The following ARHGAP42 variants were observed in gnomAD, a reference collection of about 807,000 sequenced individuals.
ARHGAP42 encodes rho GTPase-activating protein 42.
A neutral mutation model predicts 125.0 loss-of-function variants in ARHGAP42; 63 were observed. That is an observed-to-expected ratio of 0.50 (90% confidence interval 0.41 to 0.62). ARHGAP42 has a LOEUF of 0.62. Ranked by LOEUF, ARHGAP42 falls within the 20% of genes least tolerant of loss-of-function variation. The pLI, the probability that ARHGAP42 is intolerant of heterozygous loss-of-function variation, is 0.00. For synonymous variants in ARHGAP42, 339 were observed against 351.0 expected, an observed-to-expected ratio of 0.97 and a Z score of 0.38; for missense variants, 766 against 1,024.2, an observed-to-expected ratio of 0.75 and a Z score of 3.44.
chr11:100,973,983 A>G (rs1476216030), intron 18 of ARHGAP42, among the ~76,000 whole-genome samples: 1 of 152,192 alleles, frequency 6.6e-6, no homozygotes, highest in African/African-American at 2.4e-5. Context: ...GCTCTCTCAC[A>G]ATGCAAGAGC....
At chr11:100,837,775 A>G (rs985558874) in intron 3 of ARHGAP42, among the ~76,000 whole-genome samples, 10 of 140,904 alleles carry the variant, frequency 7.1e-5, no homozygotes, top group African/African-American at 2.6e-4. Flanking sequence ...TGGAAATTTT[A>G]TGATAATAGG....
At chr11:100,943,254 G>T (rs1447216030) in intron 9 of ARHGAP42, among the ~76,000 whole-genome samples, 1 of 151,808 alleles carries the variant, frequency 6.6e-6, no homozygotes, top group Non-Finnish European at 1.5e-5. Context: ...TGTATATACT[G>T]GAACTATATT....
At chr11:100,986,195 A>C (rs1408348561) in intron 22 of ARHGAP42, 8 of 428,026 alleles carry the variant, frequency 1.9e-5, no homozygotes, top group Non-Finnish European at 3.7e-5. Flanking sequence ...AACACCATGC[A>C]GACTTGAAGC....
At chr11:100,956,058 G>T (rs2135292192) in intron 12 of ARHGAP42, among the ~76,000 whole-genome samples, 1 of 152,120 alleles carries the variant, frequency 6.6e-6, no homozygotes, top group South Asian at 2.1e-4. Flanking sequence ...AAATTGCTGG[G>T]TGCTCAAGTG....
At chr11:100,858,381 C>A (rs1865373606) in intron 3 of ARHGAP42, among the ~76,000 whole-genome samples, 1 of 151,924 alleles carries the variant, frequency 6.6e-6, no homozygotes, top group Non-Finnish European at 1.5e-5. Flanking sequence ...GGATTTTGGT[C>A]TTCTTTTCAA....
At chr11:100,767,291 A>T (rs1862852673) in intron 1 of ARHGAP42, among the ~76,000 whole-genome samples, 1 of 152,202 alleles carries the variant, frequency 6.6e-6, no homozygotes, top group Non-Finnish European at 1.5e-5. Context: ...TCCACTTGAC[A>T]GACGGGATAC....
At chr11:100,870,594 AT>A (rs1343275601) in intron 4 of ARHGAP42, among the ~76,000 whole-genome samples, 1 of 152,178 alleles carries the variant, frequency 6.6e-6, no homozygotes. Flanking sequence ...GCTATATGTT[AT>A]TTCTGCTTTT....
intron 22 of ARHGAP42, 54 bp from the exon 23 acceptor site, chr11:100,987,459 T>C: frequency 1.5e-6 from 2 of 1,373,814 alleles, no homozygotes; most frequent in Non-Finnish European, 2.0e-6. Context: ...GTTTTAAATA[T>C]AGATGTCCTT....
At position 100,953,101 on chromosome 11, in the gene ARHGAP42, AT is replaced by A. The variant is rs201542039; in HGVS notation, c.1162+3152del. Among the ~76,000 whole-genome samples, 1,159 of 152,138 alleles carry A rather than the reference AT, an allele frequency of 7.6e-3. 19 individuals are homozygous for A. The highest frequency in any genetic ancestry group is 0.027 in the African/African-American group (1,107 of 41,502). On this transcript the variant is annotated intron_variant, in intron 12 of 23. Transcript: ENST00000298815. Reference sequence around the variant, plus strand: ...TTTCTTTTTGTCAGGCGCTCTAACCATTTTTTTGTACATCATCCTGTTCTTG... The same window carrying A: ...TTTCTTTTTGTCAGGCGCTCTAACCATTTTTTGTACATCATCCTGTTCTTG...
chr11:100,930,558 A>C (rs1014807537), intron 6 of ARHGAP42, among the ~76,000 whole-genome samples: 1 of 152,188 alleles, frequency 6.6e-6, no homozygotes, highest in African/African-American at 2.4e-5. Flanking sequence ...TTTGTCTGCT[A>C]CTAAGTGAAT....
At chr11:100,727,067 A>G (rs1443193051) in intron 1 of ARHGAP42, among the ~76,000 whole-genome samples, 1 of 152,168 alleles carries the variant, frequency 6.6e-6, no homozygotes, top group Non-Finnish European at 1.5e-5. Context: ...ACCTGCTGTC[A>G]TGTGTTTGAA....
chr11:100,811,488 G>A (rs536392673), intron 3 of ARHGAP42, among the ~76,000 whole-genome samples: 3 of 148,220 alleles, frequency 2.0e-5, no homozygotes, highest in East Asian at 2.0e-4. Flanking sequence ...CTTCTGCCTC[G>A]AATGTCTTGA....
intron 3 of ARHGAP42, among the ~76,000 whole-genome samples, chr11:100,825,682 G>A (rs73577314): frequency 0.012 from 1,897 of 152,160 alleles, 49 homozygotes; most frequent in African/African-American, 0.042. Context: ...TATATTTTAC[G>A]CAGCATGCTC....
chr11:100,984,642 C>T (rs955339532), intron 22 of ARHGAP42, among the ~76,000 whole-genome samples: 4 of 151,846 alleles, frequency 2.6e-5, no homozygotes, highest in Non-Finnish European at 5.9e-5. Context: ...ATGCATTAGA[C>T]GGCATTTAGA....
chr11:100,903,706 C>CAAAAAAAAAAAAAAAAAA (rs749877720), intron 4 of ARHGAP42, among the ~76,000 whole-genome samples: 5 of 32,542 alleles, frequency 1.5e-4, no homozygotes, highest in African/African-American at 4.5e-4. Context: ...ACATGTCCCT[C>CAAAAAAAAAAAAAAAAAA]AAAATATATA....
intron 21 of ARHGAP42, 41 bp from the exon 22 acceptor site, chr11:100,978,946 T>G: frequency 1.3e-6 from 2 of 1,544,508 alleles, no homozygotes; most frequent in South Asian, 2.4e-5. Context: ...GAACTGAATG[T>G]GATTGACTTC....
chr11:100,724,594 A>G (rs1861822282), intron 1 of ARHGAP42, among the ~76,000 whole-genome samples: 1 of 152,080 alleles, frequency 6.6e-6, no homozygotes, highest in Non-Finnish European at 1.5e-5. Flanking sequence ...TATTGTAGGC[A>G]TAGAGTTGTT....
At position 100,992,036 on chromosome 11, in the gene ARHGAP42, C is replaced by A; in HGVS notation, c.*3235C>A. The stretch of plus-strand genomic sequence containing the variant: ...AGATTTCTCACTATCATCCAGTGTA[C>A]CCTGCTCACCTTCTCACTCCTAGCA... On this transcript the variant is annotated 3_prime_UTR_variant, in exon 24 of 24. Coordinates refer to ENST00000298815, the MANE Select transcript of ARHGAP42 (RefSeq NM_152432.4). 1 of 394,236 alleles carries A rather than the reference C, an allele frequency of 2.5e-6. No homozygotes were observed. Among genetic ancestry groups the A allele is most frequent in the Non-Finnish European group, 4.5e-6 (1 of 222,474 alleles). 24.4% of individuals were successfully genotyped at this position (394,236 alleles called of 1,614,324 possible).
chr11:100,928,114 C>T (rs1044221481), intron 6 of ARHGAP42, among the ~76,000 whole-genome samples: 1 of 152,128 alleles, frequency 6.6e-6, no homozygotes, highest in Non-Finnish European at 1.5e-5. Flanking sequence ...ATTGCAAAGA[C>T]TACAGATTTA....
Sources: allele counts gnomAD v4.1 joint callset (sites outside exome capture counted in the v4.1 genomes callset), GRCh38; gene constraint gnomAD v4.1.1; transcripts MANE v1.5; gene names NCBI Gene and HGNC (gene_info 2026-07-23, HGNC 2026-07-21).